Variants in PID1 observed in about 807,000 individuals in gnomAD.
PID1 encodes PTB-containing, cubilin and LRP1-interacting protein.
A neutral mutation model predicts 19.1 loss-of-function variants in PID1; 10 were observed. The ratio of observed to expected loss-of-function variants is 0.52; its 90% CI spans 0.32 to 0.89. The LOEUF (loss-of-function observed/expected upper bound fraction) is 0.89, where lower values mean the gene tolerates loss of function less well. Among genes scored for constraint, PID1 ranks in the 40% least tolerant of loss-of-function variants. The pLI is 0.03. For synonymous variants in PID1, 130 were observed against 116.0 expected (o/e 1.12, Z -0.78); for missense variants, 248 against 285.3 (o/e 0.87, Z 0.94).
At chr2:229,141,603 G>A (rs1690012755) in intron 2 of PID1, among the ~76,000 whole-genome samples, 1 of 151,926 alleles carries the variant, frequency 6.6e-6, no homozygotes, top group South Asian at 2.1e-4. Flanking sequence ...TAAGTGTCAC[G>A]AAAACAACTC....
chr2:229,078,039 A>G (rs909600358), intron 2 of PID1, among the ~76,000 whole-genome samples: 3 of 152,154 alleles, frequency 2.0e-5, no homozygotes, highest in African/African-American at 7.2e-5. Context: ...ATGTGCATGG[A>G]ATGTTATTCC....
At chr2:229,163,674 T>TGTGTGTGTGTGTGTGCGC (rs374622113) in intron 1 of PID1, among the ~76,000 whole-genome samples, 2 of 94,372 alleles carry the variant, frequency 2.1e-5, no homozygotes, top group African/African-American at 3.1e-5. Context: ...TGTGTGTGTG[T>TGTGTGTGTGTGTGTGCGC]GCGTGTGCGT....
At chr2:229,159,142 T>C (rs1278466444) in intron 1 of PID1, among the ~76,000 whole-genome samples, 4 of 152,186 alleles carry the variant, frequency 2.6e-5, no homozygotes, top group Non-Finnish European at 5.9e-5. Flanking sequence ...GATACCCCAT[T>C]CTCCATGATG....
intron 2 of PID1, among the ~76,000 whole-genome samples, chr2:229,061,738 A>C (rs1343184711): frequency 1.3e-5 from 2 of 152,002 alleles, no homozygotes; most frequent in African/African-American, 4.8e-5. Flanking sequence ...TCCAATCCAT[A>C]AGCAAAAGAG....
intron 2 of PID1, among the ~76,000 whole-genome samples, chr2:229,055,101 T>C (rs879642307): frequency 6.6e-6 from 1 of 152,140 alleles, no homozygotes; most frequent in East Asian, 1.9e-4. Flanking sequence ...AATTCGTCCA[T>C]TGTGGTCTCA....
At chr2:229,221,986 T>C (rs1219862238) in intron 1 of PID1, among the ~76,000 whole-genome samples, 1 of 152,194 alleles carries the variant, frequency 6.6e-6, no homozygotes, top group Non-Finnish European at 1.5e-5. Flanking sequence ...TAGTTGAGGT[T>C]CTCACTTCCT....
chr2:229,087,239 G>A (rs1283766745), intron 2 of PID1, among the ~76,000 whole-genome samples: 2 of 152,096 alleles, frequency 1.3e-5, no homozygotes, highest in Non-Finnish European at 2.9e-5. Context: ...TTGTGGTCTA[G>A]AGCACGCATA....
intron 2 of PID1, among the ~76,000 whole-genome samples, chr2:229,054,839 C>T (rs975246727): frequency 2.0e-5 from 3 of 151,782 alleles, no homozygotes. Context: ...TGCTTGGCTC[C>T]CTCATGGATT....
intron 2 of PID1, among the ~76,000 whole-genome samples, chr2:229,065,190 A>C (rs1332414220): frequency 6.6e-6 from 1 of 152,202 alleles, no homozygotes; most frequent in Non-Finnish European, 1.5e-5. Context: ...TATTCATTTA[A>C]GTACCTGAAG....
At chr2:229,083,393 AT>A (rs1469061201) in intron 2 of PID1, among the ~76,000 whole-genome samples, 1 of 152,192 alleles carries the variant, frequency 6.6e-6, no homozygotes, top group Admixed American at 6.5e-5. Context: ...CATTAAAAGA[AT>A]TTTTTTTAAG....
At chr2:229,154,256 T>A (rs1357233757) in intron 2 of PID1, among the ~76,000 whole-genome samples, 1 of 151,818 alleles carries the variant, frequency 6.6e-6, no homozygotes, top group Non-Finnish European at 1.5e-5. Context: ...ACCACAAGAC[T>A]CTTTTCCCCC....
intron 1 of PID1, among the ~76,000 whole-genome samples, chr2:229,170,678 G>T (rs948662987): frequency 6.6e-6 from 1 of 152,112 alleles, no homozygotes; most frequent in African/African-American, 2.4e-5. Flanking sequence ...AAAGTTTAAT[G>T]TAAGTGATTT....
At chr2:229,234,099 G>T (rs767533926) in intron 1 of PID1, among the ~76,000 whole-genome samples, 1 of 152,166 alleles carries the variant, frequency 6.6e-6, no homozygotes, top group Non-Finnish European at 1.5e-5. Flanking sequence ...AGTAGCCAGC[G>T]CTTCATGAAA....
chr2:229,028,319 A>C (rs1467214688), intron 2 of PID1, among the ~76,000 whole-genome samples: 2 of 152,212 alleles, frequency 1.3e-5, no homozygotes, highest in African/African-American at 2.4e-5. Flanking sequence ...CAATATTTTT[A>C]ATCACTTTAT....
intron 2 of PID1, among the ~76,000 whole-genome samples, chr2:229,097,480 C>T (rs1694994357): frequency 6.6e-6 from 1 of 152,114 alleles, no homozygotes; most frequent in Non-Finnish European, 1.5e-5. Flanking sequence ...GTTAAGTTTC[C>T]TTCTGTTTCT....
intron 1 of PID1, among the ~76,000 whole-genome samples, chr2:229,202,837 G>A (rs1031146198): frequency 2.0e-5 from 3 of 152,042 alleles, no homozygotes; most frequent in Admixed American, 2.0e-4. Flanking sequence ...TATCTCCAGA[G>A]CTCAGAATAA....
chr2:229,041,717 T>C (rs987710120), intron 2 of PID1, among the ~76,000 whole-genome samples: 2 of 152,106 alleles, frequency 1.3e-5, no homozygotes, highest in African/African-American at 4.8e-5. Context: ...CACAACTAAG[T>C]GATAAAGTCA....
intron 1 of PID1, among the ~76,000 whole-genome samples, chr2:229,261,349 T>C (rs757120335): frequency 1.3e-5 from 2 of 152,104 alleles, no homozygotes; most frequent in Non-Finnish European, 2.9e-5. Context: ...AAAAGCAAAA[T>C]AGCTACCACC....
chr2:229,122,855 T>C lies in PID1; in HGVS notation c.177+32963A>G, dbSNP rs376027758. ...CTCCAAAAGTTGATCATTGGAACAG[T>C]AAAGAGCTGTCATTCATTCCTTGGA... On this transcript the variant is annotated intron_variant, in intron 2 of 2. Coordinates refer to ENST00000392055, the MANE Select transcript of PID1 (RefSeq NM_001100818.2). Among the ~76,000 whole-genome samples the C allele has an allele frequency of 3.3e-5, 5 of 152,088 alleles. No individual in the cohort carries two copies. The East Asian group carries it at 7.7e-4, about 23-fold the overall frequency.
Sources: allele counts gnomAD v4.1 joint callset (sites outside exome capture counted in the v4.1 genomes callset), GRCh38; gene constraint gnomAD v4.1.1; transcripts MANE v1.5; gene names NCBI Gene and HGNC (gene_info 2026-07-23, HGNC 2026-07-21).